Variants in STXBP5 observed in about 807,000 individuals in gnomAD.
STXBP5 encodes syntaxin-binding protein 5.
In STXBP5, 50 loss-of-function variants were observed where a neutral mutation model predicts 152.4. The ratio of observed to expected loss-of-function variants is 0.33; its 90% CI spans 0.26 to 0.42. The LOEUF (loss-of-function observed/expected upper bound fraction) is 0.42. STXBP5 is among the 10% of genes least tolerant of loss of function. The probability of loss-of-function intolerance (pLI) is 1.00; values close to 1 mark genes in which losing one functional copy is unlikely to be tolerated. For synonymous variants in STXBP5, 492 were observed against 494.7 expected (o/e 0.99, Z 0.07); for missense variants, 1,167 against 1,388.6 (o/e 0.84, Z 2.54).
At chr6:147,285,949 C>T (rs1344983631) in intron 8 of STXBP5, among the ~76,000 whole-genome samples, 1 of 152,142 alleles carries the variant, frequency 6.6e-6, no homozygotes, top group Non-Finnish European at 1.5e-5. Flanking sequence ...GTCAGCCTGA[C>T]TCTCCCACTA....
chr6:147,222,780 C>G (rs544632006), intron 2 of STXBP5, among the ~76,000 whole-genome samples: 61 of 152,326 alleles, frequency 4.0e-4, no homozygotes, highest in African/African-American at 1.4e-3. Flanking sequence ...TTGTGAGAAC[C>G]TGCTCAAGCT....
chr6:147,315,834 G>A (rs920746654), intron 15 of STXBP5, 99 bp downstream of exon 15: 1 of 1,090,888 alleles, frequency 9.2e-7, no homozygotes, highest in Non-Finnish European at 1.3e-6. Context: ...GTTTTGTGCA[G>A]AACTTTTGAA....
At chr6:147,295,289 C>T (rs75145752) in intron 9 of STXBP5, among the ~76,000 whole-genome samples, 4,361 of 152,204 alleles carry the variant, frequency 0.029, 56 homozygotes, top group Middle Eastern at 0.051. Flanking sequence ...GAGTTTTGAG[C>T]TACAGAGCAT....
intron 9 of STXBP5, among the ~76,000 whole-genome samples, chr6:147,299,890 G>A (rs1781719321): frequency 6.6e-6 from 1 of 152,014 alleles, no homozygotes; most frequent in Non-Finnish European, 1.5e-5. Flanking sequence ...TTTGCAAACA[G>A]AATGACGTTT....
intron 23 of STXBP5, 32 bp downstream of exon 23, chr6:147,359,355 T>G (rs1347096982): frequency 6.3e-7 from 1 of 1,592,102 alleles, no homozygotes; most frequent in Non-Finnish European, 8.6e-7. Context: ...AGAGTTACAT[T>G]ACAGGTGTGA....
chr6:147,386,386 G>A lies in STXBP5; in HGVS notation c.*1631G>A, dbSNP rs1379789791. Reference sequence around the variant, plus strand: ...ACATCTTAACTTTTTCATACAGTCTGTTATGCATATTTTCCTCTACTTTTC... The same window carrying A: ...ACATCTTAACTTTTTCATACAGTCTATTATGCATATTTTCCTCTACTTTTC... On this transcript the variant is annotated 3_prime_UTR_variant, in exon 28 of 28. Transcript: ENST00000321680. 5 of 151,428 alleles carry A rather than the reference G, an allele frequency of 3.3e-5. No homozygotes were observed. Among genetic ancestry groups the A allele is most frequent in the Non-Finnish European group, 5.9e-5 (4 of 67,730 alleles). The allele number at this position is 151,428 out of a possible 1,614,324, so 9.4% of individuals were successfully genotyped here.
At chr6:147,276,315 T>C (rs1451602263) in intron 7 of STXBP5, among the ~76,000 whole-genome samples, 1 of 152,156 alleles carries the variant, frequency 6.6e-6, no homozygotes, top group Non-Finnish European at 1.5e-5. Flanking sequence ...TCTTTGCTTT[T>C]TTGTGGGGTG....
chr6:147,359,436 G>C (rs751667389), intron 23 of STXBP5, 113 bp downstream of exon 23: 31 of 1,319,962 alleles, frequency 2.3e-5, no homozygotes, highest in Non-Finnish European at 3.1e-5. Context: ...AAAGTAAATG[G>C]GGACAGTGAT....
chr6:147,347,672 T>C (rs568833973), intron 21 of STXBP5, among the ~76,000 whole-genome samples: 13 of 152,340 alleles, frequency 8.5e-5, no homozygotes, highest in Admixed American at 2.6e-4. Flanking sequence ...TACTGTCTAA[T>C]AGTTACAGAA....
intron 16 of STXBP5, among the ~76,000 whole-genome samples, chr6:147,324,429 C>T (rs917532657): frequency 1.3e-4 from 20 of 151,576 alleles, no homozygotes; most frequent in African/African-American, 4.1e-4. Context: ...CACACCACCA[C>T]GCCAGGCTAA....
intron 4 of STXBP5, among the ~76,000 whole-genome samples, chr6:147,250,669 A>G (rs1048638074): frequency 1.6e-4 from 24 of 152,142 alleles, no homozygotes; most frequent in African/African-American, 5.3e-4. Context: ...TTGGGAGCAG[A>G]TAATTTTTTT....
At chr6:147,287,163 T>C (rs1259326544) in intron 8 of STXBP5, among the ~76,000 whole-genome samples, 1 of 148,836 alleles carries the variant, frequency 6.7e-6, no homozygotes. Flanking sequence ...TACAATAGGG[T>C]GACTATAGTT....
chr6:147,214,047 T>G (rs550970631), intron 2 of STXBP5, among the ~76,000 whole-genome samples: 76 of 152,316 alleles, frequency 5.0e-4, no homozygotes, highest in African/African-American at 1.8e-3. Context: ...CTTCCCTTAG[T>G]CATATGCAGC....
At chr6:147,322,688 ATT>A (rs762525330) in intron 16 of STXBP5, among the ~76,000 whole-genome samples, 2 of 152,246 alleles carry the variant, frequency 1.3e-5, no homozygotes, top group Non-Finnish European at 2.9e-5. Flanking sequence ...TGCTACAGCA[ATT>A]ACTAGGCAAA....
chr6:147,302,995 C>A (rs185507224), intron 9 of STXBP5, among the ~76,000 whole-genome samples: 1 of 151,840 alleles, frequency 6.6e-6, no homozygotes, highest in Non-Finnish European at 1.5e-5. Context: ...AATGAATTTC[C>A]CATGGTGAAA....
At chr6:147,351,984 T>C (rs1784607187) in intron 21 of STXBP5, 3 of 705,596 alleles carry the variant, frequency 4.3e-6, no homozygotes, top group Admixed American at 6.3e-5. Context: ...AAATTTCACA[T>C]AGGAAGCACT....
intron 9 of STXBP5, among the ~76,000 whole-genome samples, chr6:147,299,235 C>T (rs1343214211): frequency 1.4e-5 from 2 of 138,514 alleles, no homozygotes; most frequent in Non-Finnish European, 3.1e-5. Flanking sequence ...TATATGCCAA[C>T]AAATTGAGTA....
At position 147,353,350 on chromosome 6, in the gene STXBP5, C is replaced by T; in HGVS notation, c.2282C>T (p.Pro761Leu). ...IAKMSRKLSL[P>L]TDLKPDLDVK... The stretch of plus-strand genomic sequence containing the variant: ...AAGATGTCAAGGAAGTTAAGCTTAC[C>T]TACTGACCTAAAGCCTGATTTAGGT... The change falls in exon 22 of 28, where the codon CCT becomes CTT. Residue 761 changes from proline to leucine, a missense_variant. Pro to Leu is a moderately conservative substitution (Grantham distance 98). Transcript: ENST00000321680. The T allele has an allele frequency of 6.3e-7, 1 of 1,580,954 alleles. No homozygotes were observed. Among genetic ancestry groups the T allele is most frequent in the Non-Finnish European group, 8.6e-7 (1 of 1,162,680 alleles).
At position 147,270,046 on chromosome 6, in the gene STXBP5, A is replaced by G. The variant is rs570999564; in HGVS notation, c.714+2879A>G. On this transcript the variant is annotated intron_variant, in intron 7 of 27. Transcript: ENST00000321680. ...CTACAAACTAGTAATAGAGAAGATT[A>G]TGAGAAACAATTAGAGGAATTTTAA... 7.2e-5 allele frequency among the ~76,000 whole-genome samples: 11 copies of G among 152,312 alleles called. No homozygotes were observed. The South Asian group carries it at 2.3e-3, about 32-fold the overall frequency.
Sources: gnomAD v4.1 joint callset for allele counts (sites outside exome capture counted in the v4.1 genomes callset) on GRCh38, gnomAD v4.1.1 for gene constraint, MANE v1.5 for transcripts, NCBI Gene and HGNC (gene_info 2026-07-23, HGNC 2026-07-21) for gene names.